The following SOS2 variants were observed in gnomAD, a reference collection of about 807,000 sequenced individuals.
SOS2 encodes the protein SOS Ras/Rho guanine nucleotide exchange factor 2.
In SOS2, 65 loss-of-function variants were observed where a neutral mutation model predicts 148.2. That is an observed-to-expected ratio of 0.44 (90% CI 0.36 to 0.54). SOS2 has a LOEUF of 0.54. Among genes scored for constraint, SOS2 ranks in the 20% least tolerant of loss-of-function variants. The pLI is 0.00. For missense variants in SOS2, 1,341 were observed against 1,590.2 expected, an observed-to-expected ratio of 0.84 and a Z score of 2.67; for synonymous variants, 539 against 537.1, an observed-to-expected ratio of 1.00 and a Z score of -0.05.
At chr14:50,151,020 G>T (rs1183946425) in intron 13 of SOS2, among the ~76,000 whole-genome samples, 2 of 152,022 alleles carry the variant, frequency 1.3e-5, no homozygotes, top group Admixed American at 6.6e-5. Context: ...ACCGCGCCTG[G>T]CCTAATTTTT....
At chr14:50,216,939 G>A (rs923630909) in intron 1 of SOS2, among the ~76,000 whole-genome samples, 1 of 151,948 alleles carries the variant, frequency 6.6e-6, no homozygotes, top group Non-Finnish European at 1.5e-5. Context: ...AAGCTTTTTT[G>A]TAGAAATTGA....
intron 5 of SOS2, among the ~76,000 whole-genome samples, chr14:50,187,920 C>A (rs1384534360): frequency 1.3e-5 from 2 of 152,060 alleles, no homozygotes; most frequent in Non-Finnish European, 2.9e-5. Context: ...ATCTTTTTCA[C>A]CACCTCCAAA....
intron 1 of SOS2, among the ~76,000 whole-genome samples, chr14:50,229,107 A>G (rs1179875189): frequency 6.6e-6 from 1 of 152,166 alleles, no homozygotes; most frequent in Non-Finnish European, 1.5e-5. Flanking sequence ...ACTTCCTGCA[A>G]AGAAAGAGTG....
At chr14:50,180,265 A>G (rs1269226133) in intron 7 of SOS2, among the ~76,000 whole-genome samples, 2 of 148,610 alleles carry the variant, frequency 1.3e-5, no homozygotes, top group African/African-American at 5.0e-5. Flanking sequence ...TGGCCTCCCA[A>G]AATGCTGGGA....
At chr14:50,159,287 C>T in intron 10 of SOS2, 144 bp downstream of exon 10, 1 of 533,704 alleles carries the variant, frequency 1.9e-6, no homozygotes, top group Non-Finnish European at 3.3e-6. Context: ...AATTCCTTCT[C>T]TTATTTATTC....
intron 4 of SOS2, 94 bp from the exon 5 acceptor site, chr14:50,188,794 G>C: frequency 1.2e-6 from 1 of 864,972 alleles, no homozygotes; most frequent in Non-Finnish European, 1.8e-6. Flanking sequence ...TATTAAACAG[G>C]GCTGGGTGTT....
chr14:50,158,667 A>G (rs768977524), intron 10 of SOS2, 21 bp from the exon 11 acceptor site: 4 of 1,477,092 alleles, frequency 2.7e-6, no homozygotes, highest in Admixed American at 1.8e-5. Flanking sequence ...AGAGCATAAA[A>G]TAGGTTTCAT....
At chr14:50,189,673 C>G (rs896120872) in intron 4 of SOS2, among the ~76,000 whole-genome samples, 3 of 152,116 alleles carry the variant, frequency 2.0e-5, no homozygotes, top group Non-Finnish European at 1.5e-5. Context: ...TGCACATTTA[C>G]TACAATGACC....
At chr14:50,193,753 T>C (rs1221263942) in intron 4 of SOS2, among the ~76,000 whole-genome samples, 1 of 142,448 alleles carries the variant, frequency 7.0e-6, no homozygotes, top group Non-Finnish European at 1.5e-5. Context: ...GTCATCGGGA[T>C]TTTTTTTTTT....
chr14:50,192,753 AC>A (rs1199679073), intron 4 of SOS2, among the ~76,000 whole-genome samples: 4 of 152,058 alleles, frequency 2.6e-5, no homozygotes, highest in African/African-American at 9.6e-5. Context: ...AATCCCAGCT[AC>A]TCAGAAGGCT....
At chr14:50,173,966 T>TA (rs375506108) in intron 8 of SOS2, among the ~76,000 whole-genome samples, 2,595 of 152,158 alleles carry the variant, frequency 0.017, 74 homozygotes, top group African/African-American at 0.059. Context: ...CCATATAATT[T>TA]AAAAAAAATT....
At chr14:50,204,900 C>CTTTCT (rs112249461) in intron 1 of SOS2, among the ~76,000 whole-genome samples, 130,010 of 147,658 alleles carry the variant, frequency 0.88, 57,282 homozygotes, top group East Asian at 0.91. Context: ...CTTTTTTTTT[C>CTTTCT]TTTCTTTTTT....
chr14:50,157,701 A>T (rs1220383367), intron 11 of SOS2, among the ~76,000 whole-genome samples: 1 of 152,146 alleles, frequency 6.6e-6, no homozygotes, highest in Non-Finnish European at 1.5e-5. Context: ...ATTTAGTTTG[A>T]TAAAACAACA....
chr14:50,185,981 G>A (rs117232325), intron 5 of SOS2, among the ~76,000 whole-genome samples: 1 of 152,026 alleles, frequency 6.6e-6, no homozygotes, highest in East Asian at 1.9e-4. Context: ...AGCTCATCAG[G>A]GTCTTAGGGT....
intron 1 of SOS2, among the ~76,000 whole-genome samples, chr14:50,216,176 A>G (rs1021082648): frequency 2.0e-5 from 3 of 151,294 alleles, no homozygotes; most frequent in Admixed American, 2.0e-4. Context: ...GGCTCACTGC[A>G]ACCTCCACCT....
intron 4 of SOS2, among the ~76,000 whole-genome samples, 189 bp from the exon 5 acceptor site, chr14:50,188,889 CCT>C (rs1886013490): frequency 6.6e-6 from 1 of 151,900 alleles, no homozygotes; most frequent in Non-Finnish European, 1.5e-5. Context: ...ATGGTGAAAC[CCT>C]GTCTCGACCA....
chr14:50,226,134 A>C (rs370525908), intron 1 of SOS2, among the ~76,000 whole-genome samples: 83 of 152,080 alleles, frequency 5.5e-4, no homozygotes, highest in African/African-American at 1.9e-3. Flanking sequence ...GCTCTGCTAC[A>C]TCTTCCGTAT....
chr14:50,205,719 G>C (rs1810293202), intron 1 of SOS2, among the ~76,000 whole-genome samples: 1 of 152,018 alleles, frequency 6.6e-6, no homozygotes, highest in South Asian at 2.1e-4. Flanking sequence ...ATCACCTGAG[G>C]TCAGAAGTTT....
intron 4 of SOS2, among the ~76,000 whole-genome samples, chr14:50,195,742 A>G (rs1886291183): frequency 6.6e-6 from 1 of 151,806 alleles, no homozygotes; most frequent in Non-Finnish European, 1.5e-5. Flanking sequence ...GCTCTCAAAA[A>G]CAAAGAAGCT....
Sources: allele counts gnomAD v4.1 joint callset (sites outside exome capture counted in the v4.1 genomes callset), GRCh38; gene constraint gnomAD v4.1.1; transcripts MANE v1.5; gene names NCBI Gene and HGNC (gene_info 2026-07-23, HGNC 2026-07-21).